LRP1B: variants seen among roughly 807,000 people sequenced by gnomAD.
LRP1B encodes low-density lipoprotein receptor-related protein 1B.
LRP1B carries 217 observed loss-of-function variants against 556.6 expected under a neutral mutation model. The observed-to-expected ratio is 0.39, with a 90% CI of 0.35 to 0.44. LRP1B has a LOEUF of 0.44. Ranked by LOEUF, LRP1B falls within the 20% of genes least tolerant of loss-of-function variation. LRP1B has a pLI of 1.00. For synonymous variants in LRP1B, 2,047 were observed against 1,865.8 expected (o/e 1.10, Z -2.50); for missense variants, 5,053 against 5,620.8 (o/e 0.90, Z 3.23).
At chr2:140,532,413 G>A (rs1386491096) in intron 47 of LRP1B, among the ~76,000 whole-genome samples, 1 of 151,456 alleles carries the variant, frequency 6.6e-6, no homozygotes, top group East Asian at 2.0e-4. Context: ...TTGGGGGGTG[G>A]GGGGTATGGA....
At chr2:140,556,852 G>A (rs987903891) in intron 43 of LRP1B, among the ~76,000 whole-genome samples, 10 of 151,744 alleles carry the variant, frequency 6.6e-5, no homozygotes, top group African/African-American at 9.7e-5. Context: ...CATGTCCATA[G>A]GCCACCTCAG....
chr2:141,937,284 A>C (rs1574508647), intron 1 of LRP1B, among the ~76,000 whole-genome samples: 4 of 152,118 alleles, frequency 2.6e-5, no homozygotes, highest in Admixed American at 2.6e-4. Context: ...AGGCTGAGGC[A>C]GGAGAATGCT....
At chr2:140,738,210 A>G (rs535306022) in intron 35 of LRP1B, among the ~76,000 whole-genome samples, 2 of 152,280 alleles carry the variant, frequency 1.3e-5, no homozygotes, top group South Asian at 2.1e-4. Context: ...AGGTGTCACC[A>G]TACTTGCATG....
At chr2:140,598,351 C>T (rs985467259) in intron 43 of LRP1B, among the ~76,000 whole-genome samples, 1 of 152,126 alleles carries the variant, frequency 6.6e-6, no homozygotes, top group Non-Finnish European at 1.5e-5. Flanking sequence ...TCTAACAATT[C>T]CAGTTCTATT....
At chr2:141,670,800 G>A (rs1462208181) in intron 2 of LRP1B, among the ~76,000 whole-genome samples, 6 of 152,130 alleles carry the variant, frequency 3.9e-5, no homozygotes, top group Admixed American at 2.6e-4. Context: ...TGTCAGTTCA[G>A]TCCTAATGAG....
chr2:141,762,272 G>GA (rs907195855), intron 2 of LRP1B, among the ~76,000 whole-genome samples: 15 of 150,996 alleles, frequency 9.9e-5, no homozygotes, highest in Admixed American at 2.0e-4. Flanking sequence ...AGGGAGCAGG[G>GA]AAAAAAAATG....
intron 2 of LRP1B, among the ~76,000 whole-genome samples, chr2:141,668,140 C>T (rs1004420792): frequency 6.6e-6 from 1 of 152,160 alleles, no homozygotes; most frequent in Admixed American, 6.5e-5. Context: ...TTCCATCAGC[C>T]TTCAATACTC....
intron 1 of LRP1B, among the ~76,000 whole-genome samples, chr2:142,044,985 G>A (rs1704202913): frequency 6.6e-6 from 1 of 151,592 alleles, no homozygotes; most frequent in South Asian, 2.1e-4. Context: ...TATATGCATT[G>A]TCATATAAAA....
At chr2:142,110,180 T>C (rs1291086226) in intron 1 of LRP1B, among the ~76,000 whole-genome samples, 2 of 152,054 alleles carry the variant, frequency 1.3e-5, no homozygotes, top group African/African-American at 4.8e-5. Context: ...GAATAAAAAT[T>C]CCTCTTTTTT....
In LRP1B at chr2:140,239,531, T is replaced by C; in HGVS notation, c.13326A>G (p.Arg4442=). 6.3e-7 allele frequency: 1 copy of C among 1,593,764 alleles called. No individual in the cohort carries two copies. The change falls in exon 88 of 91, where the codon AGA becomes AGG. Residue 4442 remains arginine (R), a splice_region_variant and synonymous_variant. Transcript: ENST00000389484. ...CGAGAGGCACAATGATGGCAATGCT[T>C]CCTGGAAAATAAATGAGTGAATAGA... The part of the protein sequence containing the change: ...KSSKSDHIST[R]SIAIIVPLVL...
intron 41 of LRP1B, among the ~76,000 whole-genome samples, chr2:140,610,826 C>A (rs1263256055): frequency 6.6e-6 from 1 of 152,214 alleles, no homozygotes; most frequent in African/African-American, 2.4e-5. Context: ...CCGCCTCGGC[C>A]TCCCAATGTG....
Position 140,551,865 on chromosome 2 carries a change from C to A in LRP1B, c.7195-9894G>T, listed in dbSNP as rs186125924. On this transcript the variant is annotated intron_variant, in intron 43 of 90. Transcript: ENST00000389484. Reference sequence around the variant, plus strand: ...CTTTTTAGTTATCAGTAAGAGCTAACATTTCATGGATGCTTTTAATGCACA... The same window carrying A: ...CTTTTTAGTTATCAGTAAGAGCTAAAATTTCATGGATGCTTTTAATGCACA... 3.7e-3 allele frequency among the ~76,000 whole-genome samples: 556 copies of A among 152,260 alleles called. 2 individuals carry two copies. The highest frequency in any genetic ancestry group is 5.9e-3 in the Non-Finnish European group (398 of 68,014).
chr2:140,944,999 T>C (rs1695501139), intron 20 of LRP1B, among the ~76,000 whole-genome samples: 3 of 152,128 alleles, frequency 2.0e-5, no homozygotes, highest in African/African-American at 7.2e-5. Context: ...TATGATTTTA[T>C]CTAGAACCCC....
intron 1 of LRP1B, among the ~76,000 whole-genome samples, chr2:141,901,754 T>C (rs1416947061): frequency 6.6e-6 from 1 of 151,952 alleles, no homozygotes; most frequent in East Asian, 1.9e-4. Context: ...ATGTTTATAA[T>C]GCAGCAAGAA....
intron 27 of LRP1B, among the ~76,000 whole-genome samples, chr2:140,855,391 G>A (rs894405008): frequency 2.7e-5 from 4 of 148,466 alleles, no homozygotes; most frequent in African/African-American, 7.4e-5. Context: ...GGCCAGGCAC[G>A]CCAATAATCC....
Position 141,137,231 on chromosome 2 carries a change from T to A in LRP1B, c.1013+51190A>T, listed in dbSNP as rs114356001. On this transcript the variant is annotated intron_variant, in intron 7 of 90. Transcript: ENST00000389484. ...TCTAAGGAACATCGGCCTAATAGACTTAGCATTAGGAAATTAGGTTATATG... is the reference window on the plus strand; with the variant it reads ...TCTAAGGAACATCGGCCTAATAGACATAGCATTAGGAAATTAGGTTATATG... Among the ~76,000 whole-genome samples the A allele has an allele frequency of 3.3e-3, 499 of 152,092 alleles. 7 individuals are homozygous for A. The highest frequency in any genetic ancestry group is 0.011 in the African/African-American group (473 of 41,538).
chr2:141,484,453 T>A (rs1683042494), intron 2 of LRP1B, among the ~76,000 whole-genome samples: 1 of 151,936 alleles, frequency 6.6e-6, no homozygotes, highest in African/African-American at 2.4e-5. Flanking sequence ...TGGGTTCTTT[T>A]TTGGTTCCAT....
intron 47 of LRP1B, among the ~76,000 whole-genome samples, chr2:140,526,761 G>A (rs992334915): frequency 6.6e-6 from 1 of 150,744 alleles, no homozygotes; most frequent in Admixed American, 6.7e-5. Flanking sequence ...ACATTCCAAG[G>A]TTATGACAGT....
chr2:140,665,280 T>C (rs939885599), intron 41 of LRP1B, among the ~76,000 whole-genome samples: 1 of 152,346 alleles, frequency 6.6e-6, no homozygotes, highest in African/African-American at 2.4e-5. Flanking sequence ...CATAAAAATG[T>C]GGTAACTGAA....
Sources: allele counts gnomAD v4.1 joint callset (sites outside exome capture counted in the v4.1 genomes callset), GRCh38; gene constraint gnomAD v4.1.1; transcripts MANE v1.5; gene names NCBI Gene and HGNC (gene_info 2026-07-23, HGNC 2026-07-21).